The following MTHFSD variants were observed in gnomAD, a reference collection of about 807,000 sequenced individuals.
The protein encoded by MTHFSD is methenyltetrahydrofolate synthase domain-containing protein.
A neutral mutation model predicts 31.1 loss-of-function variants in MTHFSD; 37 were observed. The observed-to-expected ratio is 1.19, with a 90% CI of 0.91 to 1.56. MTHFSD has a LOEUF of 1.56. MTHFSD is among the 40% of genes most tolerant of loss of function. The pLI is 0.00. For missense variants in MTHFSD, 664 were observed against 510.1 expected (o/e 1.30, Z -2.91); for synonymous variants, 221 against 206.9 (o/e 1.07, Z -0.59).
intron 7 of MTHFSD, among the ~76,000 whole-genome samples, chr16:86,537,049 C>G (rs1473422552): frequency 6.6e-6 from 1 of 152,198 alleles, no homozygotes; most frequent in African/African-American, 2.4e-5. Flanking sequence ...AGATAGCTAC[C>G]TTGCTGCTGT....
chr16:86,541,962 C>G, intron 6 of MTHFSD, 139 bp downstream of exon 6: 1 of 1,363,440 alleles, frequency 7.3e-7, no homozygotes. Context: ...GCCGCTGTAC[C>G]ACTAGCAAGT....
intron 7 of MTHFSD, among the ~76,000 whole-genome samples, chr16:86,534,860 C>T (rs1277049194): frequency 6.6e-6 from 1 of 152,110 alleles, no homozygotes; most frequent in East Asian, 1.9e-4. Flanking sequence ...CAGGATGCAC[C>T]CTCCGGGTAA....
At position 86,542,536 on chromosome 16, in the gene MTHFSD, A is replaced by T. The variant is rs1189835572; in HGVS notation, c.443-323T>A. 4.3e-6 allele frequency: 1 copy of T among 231,820 alleles called. No homozygotes were observed. The highest frequency in any genetic ancestry group is 8.4e-6 in the Non-Finnish European group (1 of 119,754). The allele number at this position is 231,820 out of a possible 1,614,324, so 14.4% of individuals were successfully genotyped here. ...ATGTTAGCAAGACTCATACTTAAAA[A>T]GAATGAAAAGAGCAGTTCTCAAAAA... On this transcript the variant is annotated intron_variant, in intron 5 of 7. Coordinates refer to ENST00000360900, the MANE Select transcript of MTHFSD (RefSeq NM_001159377.2). This position sits in a 1 kb window ranked among gnomAD's most constrained non-coding sequence, Gnocchi z 4.6.
intron 5 of MTHFSD, among the ~76,000 whole-genome samples, chr16:86,545,087 T>G (rs1312008588): frequency 1.3e-5 from 2 of 151,970 alleles, no homozygotes; most frequent in East Asian, 3.9e-4. Context: ...GAACATCAGG[T>G]AAAATAGCTA....
At chr16:86,547,544 G>T in intron 4 of MTHFSD, 2 of 987,406 alleles carry the variant, frequency 2.0e-6, no homozygotes, top group Non-Finnish European at 2.4e-6. Context: ...ATCTCGCAGG[G>T]TCCACGGGGG....
intron 4 of MTHFSD, among the ~76,000 whole-genome samples, chr16:86,546,903 C>T (rs747315214): frequency 6.6e-6 from 1 of 152,224 alleles, no homozygotes. Context: ...CTGCCAACTT[C>T]ATAACATTTA....
rs1467373225 is a variant in MTHFSD at position 86,531,307 on chromosome 16, C to T, written c.*704G>A. On this transcript the variant is annotated 3_prime_UTR_variant, in exon 8 of 8. Transcript: ENST00000360900. The surrounding 1 kb of genome is among the most constrained non-coding windows in gnomAD (Gnocchi z 5.5). ...AATGTGACGTAGGCTGGGATGAAAC[C>T]CATTCTCCCAGAGCCGGTCTCTCCC... 1 of 152,222 alleles carries T rather than the reference C, an allele frequency of 6.6e-6. No individual in the cohort carries two copies. The highest frequency in any genetic ancestry group is 2.4e-5 in the African/African-American group (1 of 41,458). The allele number at this position is 152,222 out of a possible 1,614,324, so 9.4% of individuals were successfully genotyped here.
At chr16:86,553,014 G>A (rs1219825247) in intron 2 of MTHFSD, among the ~76,000 whole-genome samples, 2 of 152,062 alleles carry the variant, frequency 1.3e-5, no homozygotes, top group Non-Finnish European at 2.9e-5. Context: ...AACACTGTTA[G>A]GAACAGCCAT....
chr16:86,540,128 C>T (rs1444715585), intron 7 of MTHFSD, among the ~76,000 whole-genome samples: 1 of 152,066 alleles, frequency 6.6e-6, no homozygotes, highest in African/African-American at 2.4e-5. Flanking sequence ...GAGACTAAAA[C>T]AGAAACACTG....
At chr16:86,551,986 C>A in intron 3 of MTHFSD, 47 bp downstream of exon 3, 2 of 1,610,068 alleles carry the variant, frequency 1.2e-6, no homozygotes, top group Non-Finnish European at 1.7e-6. Flanking sequence ...GAAAAGGTGT[C>A]CCCCTTGGCG....
intron 4 of MTHFSD, chr16:86,547,395 G>C (rs891083456): frequency 7.1e-6 from 7 of 985,588 alleles, no homozygotes; most frequent in Non-Finnish European, 8.4e-6. Context: ...CATTCGATGT[G>C]GCGGTGGGAT....
At chr16:86,541,269 G>T in intron 7 of MTHFSD, 1 of 1,191,970 alleles carries the variant, frequency 8.4e-7, no homozygotes, top group Non-Finnish European at 1.1e-6. Flanking sequence ...GGCTAGATCT[G>T]CTTGAAGATC....
At chr16:86,545,820 C>T (rs2143715183) in intron 5 of MTHFSD, among the ~76,000 whole-genome samples, 1 of 152,338 alleles carries the variant, frequency 6.6e-6, no homozygotes, top group East Asian at 1.9e-4. Flanking sequence ...GCAGGTATAC[C>T]AGAACAGTGC....
rs1969912776 is a variant in MTHFSD at position 86,530,627 on chromosome 16, A to AAAT, written c.*1381_*1383dup. 1 of 152,306 alleles carries AAAT rather than the reference A, an allele frequency of 6.6e-6. No individual in the cohort carries two copies. Among genetic ancestry groups the AAAT allele is most frequent in the African/African-American group, 2.4e-5 (1 of 41,538 alleles). The allele number at this position is 152,306 out of a possible 1,614,324, so 9.4% of individuals were successfully genotyped here. On this transcript the variant is annotated 3_prime_UTR_variant, in exon 8 of 8. Coordinates refer to ENST00000360900, the MANE Select transcript of MTHFSD (RefSeq NM_001159377.2). ...AGGAAAAAGGTAAACAAAAAAAAAA[A>AAAT]AATAAGAATCTTTCAGAAAAAGAAG... is the stretch of plus-strand genomic sequence containing the variant.
Position 86,532,027 on chromosome 16 carries a change from TGCCTG to T in MTHFSD, c.1131_1135del (p.Arg378AlafsTer58). On this transcript the variant is annotated frameshift_variant, in exon 8 of 8. Coordinates refer to ENST00000360900, the MANE Select transcript of MTHFSD (RefSeq NM_001159377.2). LOFTEE classifies it high-confidence loss of function. Reference sequence around the variant, plus strand: ...TCCACGAGGTCACTTGTCCCTCTGCTGCCTGGCCAGCGCCACCCTCAGGGTGTCGG... The same window carrying T: ...TCCACGAGGTCACTTGTCCCTCTGCTGCCAGCGCCACCCTCAGGGTGTCGG... The T allele has an allele frequency of 7.4e-6, 11 of 1,482,280 alleles. No homozygotes were observed. In the African/African-American group the frequency reaches 1.3e-4, roughly 17 times the overall value. 91.8% of individuals were successfully genotyped at this position (1,482,280 alleles called of 1,614,324 possible). A position where few individuals can be genotyped will look rare whatever the true frequency, so the allele number is the denominator to read the frequency against.
chr16:86,553,010 G>A (rs750554615), intron 2 of MTHFSD, among the ~76,000 whole-genome samples: 11 of 151,846 alleles, frequency 7.2e-5, no homozygotes, highest in Admixed American at 7.2e-4. Context: ...TGTCAACACT[G>A]TTAGGAACAG....
At chr16:86,547,359 C>T (rs1435935285) in intron 4 of MTHFSD, 5 of 985,608 alleles carry the variant, frequency 5.1e-6, no homozygotes, top group Non-Finnish European at 6.0e-6. Flanking sequence ...AAGCCATTTT[C>T]AGTCCCGTAT....
chr16:86,544,914 G>A (rs1972059201), intron 5 of MTHFSD, among the ~76,000 whole-genome samples: 1 of 152,230 alleles, frequency 6.6e-6, no homozygotes, highest in Admixed American at 6.5e-5. Context: ...CAGGGACATG[G>A]ATGGAGCTGG....
chr16:86,554,892 C>T, intron 1 of MTHFSD, 141 bp from the exon 2 acceptor site: 3 of 1,053,112 alleles, frequency 2.8e-6, no homozygotes, highest in East Asian at 5.3e-5. Context: ...TTTCCCCGAC[C>T]TCAAGGGGCC....
Sources: gnomAD v4.1 joint callset for allele counts (sites outside exome capture counted in the v4.1 genomes callset) on GRCh38, gnomAD v4.1.1 for gene constraint, Gnocchi (gnomAD v3.1) non-coding constraint, MANE v1.5 for transcripts, NCBI Gene and HGNC (gene_info 2026-07-23, HGNC 2026-07-21) for gene names.